The following GRB10 variants were observed in gnomAD, a reference collection of about 807,000 sequenced individuals.
GRB10 encodes the protein growth factor receptor bound protein 10.
GRB10 carries 20 observed loss-of-function variants against 80.9 expected under a neutral mutation model. The observed-to-expected ratio is 0.25, with a 90% confidence interval of 0.17 to 0.36. The LOEUF (loss-of-function observed/expected upper bound fraction) is 0.36, where lower values mean the gene tolerates loss of function less well. Ranked by LOEUF, GRB10 falls within the 10% of genes least tolerant of loss-of-function variation. The probability of loss-of-function intolerance (pLI) is 1.00; values close to 1 mark genes in which losing one functional copy is unlikely to be tolerated. For synonymous variants in GRB10, 291 were observed against 291.5 expected, an observed-to-expected ratio of 1.00 and a Z score of 0.02; for missense variants, 548 against 747.7, an observed-to-expected ratio of 0.73 and a Z score of 3.12.
intron 4 of GRB10, among the ~76,000 whole-genome samples, chr7:50,718,112 C>A (rs1198010167): frequency 6.6e-6 from 1 of 152,182 alleles, no homozygotes; most frequent in Non-Finnish European, 1.5e-5. Context: ...AGGGGATTCC[C>A]AAGGCAAGAT....
chr7:50,788,075 C>A (rs1320910366), intron 1 of GRB10, among the ~76,000 whole-genome samples: 1 of 152,188 alleles, frequency 6.6e-6, no homozygotes, highest in African/African-American at 2.4e-5. Flanking sequence ...AGCTGTGGTA[C>A]AAACTTCTGA....
chr7:50,759,702 T>G (rs2075537041), intron 2 of GRB10, among the ~76,000 whole-genome samples: 1 of 152,126 alleles, frequency 6.6e-6, no homozygotes, highest in Non-Finnish European at 1.5e-5. Context: ...ACGCACAAGC[T>G]GTGGAATAGC....
intron 6 of GRB10, among the ~76,000 whole-genome samples, chr7:50,672,960 G>A (rs1020003438): frequency 3.9e-5 from 6 of 152,194 alleles, no homozygotes; most frequent in Non-Finnish European, 5.9e-5. Flanking sequence ...GTGAGAAGTC[G>A]GAGGGGAAGC....
chr7:50,655,199 T>A (rs1254193330), intron 7 of GRB10, among the ~76,000 whole-genome samples: 1 of 152,178 alleles, frequency 6.6e-6, no homozygotes, highest in Non-Finnish European at 1.5e-5. Context: ...TCCCCCTGGG[T>A]GCCACAGCTC....
At position 50,590,973 on chromosome 7, in the gene GRB10, G is replaced by A. The variant is rs1409573619; in HGVS notation, c.*1979C>T. 6.6e-6 allele frequency: 1 copy of A among 152,180 alleles called. No individual in the cohort carries two copies. The highest frequency in any genetic ancestry group is 2.4e-5 in the African/African-American group (1 of 41,450). The allele number at this position is 152,180 out of a possible 1,614,324, so 9.4% of individuals were successfully genotyped here. On this transcript the variant is annotated 3_prime_UTR_variant, in exon 19 of 19. Coordinates refer to ENST00000401949, the MANE Select transcript of GRB10 (RefSeq NM_001350814.2). ...GAGAGATTATACACTGATGGGACTG[G>A]TCTACGTACACAGAAAAAAGAAATC...
intron 5 of GRB10, among the ~76,000 whole-genome samples, chr7:50,692,060 G>A (rs75631889): frequency 0.022 from 3,298 of 152,272 alleles, 50 homozygotes; most frequent in Non-Finnish European, 0.031. Flanking sequence ...ACTTGCACAT[G>A]TACAGACTTT....
intron 4 of GRB10, among the ~76,000 whole-genome samples, chr7:50,709,620 G>A (rs1351411773): frequency 4.0e-5 from 6 of 149,930 alleles, no homozygotes; most frequent in Non-Finnish European, 7.4e-5. Flanking sequence ...AGACTGCCGA[G>A]ACCCTGGCTA....
At chr7:50,756,136 C>G (rs2075044601) in intron 2 of GRB10, 80 bp from the exon 3 acceptor site, 5 of 398,304 alleles carry the variant, frequency 1.3e-5, no homozygotes, top group Non-Finnish European at 2.2e-5. Context: ...AGGAATAAAA[C>G]TTTTAAAACA....
At chr7:50,656,613 G>A (rs890607021) in intron 7 of GRB10, among the ~76,000 whole-genome samples, 3 of 152,182 alleles carry the variant, frequency 2.0e-5, no homozygotes, top group African/African-American at 7.2e-5. Context: ...CACAAATCCT[G>A]GAGTCCCTGC....
At chr7:50,597,954 C>G (rs778482590) in intron 17 of GRB10, among the ~76,000 whole-genome samples, 1 of 152,178 alleles carries the variant, frequency 6.6e-6, no homozygotes, top group Non-Finnish European at 1.5e-5. Flanking sequence ...ACCTCCGCCT[C>G]CTAGGTTCAA....
intron 4 of GRB10, among the ~76,000 whole-genome samples, chr7:50,716,533 A>G (rs1331751078): frequency 6.6e-6 from 1 of 152,248 alleles, no homozygotes; most frequent in East Asian, 1.9e-4. Context: ...CCAAGATGAA[A>G]CAGCAGGCGA....
intron 7 of GRB10, among the ~76,000 whole-genome samples, chr7:50,628,532 G>T (rs1474164738): frequency 1.3e-5 from 2 of 150,694 alleles, no homozygotes; most frequent in African/African-American, 2.4e-5. Flanking sequence ...GGGCAGGAAG[G>T]AGTCAATGTC....
At chr7:50,617,964 G>T in intron 10 of GRB10, 107 bp downstream of exon 10, 12 of 941,208 alleles carry the variant, frequency 1.3e-5, no homozygotes, top group Middle Eastern at 2.1e-4. Flanking sequence ...GGTTATAAAT[G>T]GTGAAAGATG....
intron 5 of GRB10, among the ~76,000 whole-genome samples, chr7:50,676,486 A>C (rs2060968910): frequency 6.6e-6 from 1 of 152,310 alleles, no homozygotes. Flanking sequence ...AACCTGGCTT[A>C]ACAGCTGAGG....
At chr7:50,666,065 T>C (rs1422955395) in intron 7 of GRB10, among the ~76,000 whole-genome samples, 2 of 152,208 alleles carry the variant, frequency 1.3e-5, no homozygotes, top group Non-Finnish European at 2.9e-5. Context: ...GGCTGCTGCA[T>C]GCTCTGGGAT....
chr7:50,722,045 T>C (rs1448189649), intron 4 of GRB10, among the ~76,000 whole-genome samples: 1 of 152,160 alleles, frequency 6.6e-6, no homozygotes, highest in Non-Finnish European at 1.5e-5. Context: ...AAAGACAGGC[T>C]GAGGAGGCTG....
At chr7:50,735,347 T>G (rs1286372963) in intron 3 of GRB10, among the ~76,000 whole-genome samples, 10 of 152,228 alleles carry the variant, frequency 6.6e-5, no homozygotes, top group African/African-American at 2.4e-4. Flanking sequence ...GAACTAATAT[T>G]GTTAAGATGA....
chr7:50,741,947 A>G (rs183672829), intron 3 of GRB10, among the ~76,000 whole-genome samples: 22 of 152,278 alleles, frequency 1.4e-4, no homozygotes, highest in Admixed American at 1.4e-3. Flanking sequence ...TTAATCACAC[A>G]GTAATTTTTA....
chr7:50,694,490 G>A (rs2063206030), intron 5 of GRB10, among the ~76,000 whole-genome samples: 1 of 152,126 alleles, frequency 6.6e-6, no homozygotes. Flanking sequence ...CTCATAGAGT[G>A]GATCTCTCAA....
Sources: gnomAD v4.1 joint callset for allele counts (sites outside exome capture counted in the v4.1 genomes callset) on GRCh38, gnomAD v4.1.1 for gene constraint, MANE v1.5 for transcripts, NCBI Gene and HGNC (gene_info 2026-07-23, HGNC 2026-07-21) for gene names.